Variants in ZBED4 observed in about 807,000 individuals in gnomAD.
ZBED4 encodes zinc finger BED domain-containing protein 4.
In ZBED4, 4 loss-of-function variants were observed where a neutral mutation model predicts 15.5. The observed-to-expected ratio is 0.26, with a 90% CI of 0.13 to 0.59. ZBED4 has a LOEUF of 0.59. Among genes scored for constraint, ZBED4 ranks in the 20% least tolerant of loss-of-function variants. ZBED4 has a pLI of 0.90. For synonymous variants in ZBED4, 692 were observed against 608.5 expected (o/e 1.14, Z -2.02); for missense variants, 1,323 against 1,461.8 (o/e 0.91, Z 1.55).
At chr22:49,871,100 C>T (rs1318891148) in intron 1 of ZBED4, among the ~76,000 whole-genome samples, 1 of 141,582 alleles carries the variant, frequency 7.1e-6, no homozygotes, top group African/African-American at 2.6e-5. Flanking sequence ...ACCACAATGC[C>T]TGGCTAATAT....
At chr22:49,865,794 G>A (rs2060319857) in intron 1 of ZBED4, among the ~76,000 whole-genome samples, 1 of 152,008 alleles carries the variant, frequency 6.6e-6, no homozygotes, top group South Asian at 2.1e-4. Flanking sequence ...CATCTTGATA[G>A]TAGTTTTTCT....
intron 1 of ZBED4, among the ~76,000 whole-genome samples, chr22:49,870,764 T>C (rs1478063360): frequency 6.6e-6 from 1 of 152,076 alleles, no homozygotes; most frequent in Non-Finnish European, 1.5e-5. Flanking sequence ...TCAGTGGGTT[T>C]TCTGTTTATT....
chr22:49,885,477 G>A lies in ZBED4; in HGVS notation c.1815G>A (p.Gln605=), dbSNP rs2060433213. The change falls in exon 2 of 2, where the codon CAG becomes CAA. Residue 605 remains glutamine (Q), a synonymous_variant. Coordinates refer to ENST00000216268, the MANE Select transcript of ZBED4 (RefSeq NM_014838.3). ...LGTSCLLRHL[Q]RFHSNVLKTE... The stretch of plus-strand genomic sequence containing the variant: ...CCAGCTGTCTTCTGAGACATTTACA[G>A]CGGTTCCATAGCAACGTGCTGAAAA... 1.9e-6 allele frequency: 3 copies of A among 1,612,620 alleles called. No individual in the cohort carries two copies. The highest frequency in any genetic ancestry group is 2.5e-6 in the Non-Finnish European group (3 of 1,178,700).
chr22:49,871,306 G>A (rs1425322791), intron 1 of ZBED4, among the ~76,000 whole-genome samples: 1 of 151,858 alleles, frequency 6.6e-6, no homozygotes, highest in African/African-American at 2.4e-5. Flanking sequence ...GGCCAATGTG[G>A]TGAAACCCCG....
chr22:49,888,462 G>T lies in ZBED4; in HGVS notation c.*1284G>T, dbSNP rs1319597312. ...AATTTTCTAGTGCTGGCAGACACTGGCTTTTTATTTTTAGGATAAGAAAAC... is the reference window on the plus strand; with the variant it reads ...AATTTTCTAGTGCTGGCAGACACTGTCTTTTTATTTTTAGGATAAGAAAAC... On this transcript the variant is annotated 3_prime_UTR_variant, in exon 2 of 2. Coordinates refer to ENST00000216268, the MANE Select transcript of ZBED4 (RefSeq NM_014838.3). The T allele has an allele frequency of 6.0e-6, 1 of 167,216 alleles. No individual in the cohort carries two copies. Among genetic ancestry groups the T allele is most frequent in the Non-Finnish European group, 1.5e-5 (1 of 68,124 alleles). The allele number at this position is 167,216 out of a possible 1,614,324, so 10.4% of individuals were successfully genotyped here. A position where few individuals can be genotyped will look rare whatever the true frequency, so the allele number is the denominator to read the frequency against.
At chr22:49,874,672 C>CATTTT in intron 1 of ZBED4, among the ~76,000 whole-genome samples, 1 of 37,316 alleles carries the variant, frequency 2.7e-5, no homozygotes, top group South Asian at 2.1e-3. Context: ...CATGCCCAGC[C>CATTTT]TTTTTTTTTT....
rs150754492 is a variant in ZBED4, at chr22:49,886,086, C to T, written c.2424C>T (p.Thr808=). The stretch of plus-strand genomic sequence containing the variant: ...GCCTTCAGGTGGGCATCACCGTCAC[C>T]GACAACGCCAGCATCGGGAAGACGC... ...STGLQVGITV[T]DNASIGKTLN... Residue 808 remains threonine, a synonymous_variant, in exon 2 of 2, where the codon ACC becomes ACT. Transcript: ENST00000216268. The surrounding 1 kb of genome is among the most constrained non-coding windows in gnomAD (Gnocchi z 7.7). 9.7e-5 allele frequency: 66 copies of T among 679,934 alleles called. No homozygotes were observed. Among genetic ancestry groups the T allele is most frequent in the Non-Finnish European group, 1.5e-4 (56 of 369,666 alleles). 42.1% of individuals were successfully genotyped at this position (679,934 alleles called of 1,614,324 possible). A position where few individuals can be genotyped will look rare whatever the true frequency, so the allele number is the denominator to read the frequency against.
At chr22:49,854,449 A>G (rs1013720046) in intron 1 of ZBED4, among the ~76,000 whole-genome samples, 5 of 152,150 alleles carry the variant, frequency 3.3e-5, no homozygotes, top group Admixed American at 3.3e-4. Flanking sequence ...TTCATGTCTC[A>G]GCCCAGACGG....
intron 1 of ZBED4, among the ~76,000 whole-genome samples, chr22:49,857,312 G>T (rs1258728405): frequency 6.6e-6 from 1 of 152,222 alleles, no homozygotes; most frequent in Non-Finnish European, 1.5e-5. Context: ...GGACCCCCAA[G>T]GTATGGGTAC....
chr22:49,867,345 C>T (rs1179487945), intron 1 of ZBED4, among the ~76,000 whole-genome samples: 1 of 152,200 alleles, frequency 6.6e-6, no homozygotes, highest in African/African-American at 2.4e-5. Context: ...CCCTGGGCCC[C>T]TGAAGAAGCG....
intron 1 of ZBED4, among the ~76,000 whole-genome samples, chr22:49,866,459 GTTTC>G (rs1443749321): frequency 6.6e-6 from 1 of 151,700 alleles, no homozygotes; most frequent in Non-Finnish European, 1.5e-5. Context: ...TTGTTCTCCT[GTTTC>G]TTCTTTTTTA....
chr22:49,864,196 C>T (rs1050341844), intron 1 of ZBED4, among the ~76,000 whole-genome samples: 10 of 152,218 alleles, frequency 6.6e-5, no homozygotes, highest in African/African-American at 2.4e-4. Context: ...CATGGGTGTG[C>T]TTTAATCTTA....
At position 49,888,249 on chromosome 22, in the gene ZBED4, G is replaced by C. The variant is rs1339495084; in HGVS notation, c.*1071G>C. Reference sequence around the variant, plus strand: ...AAAGTTATGTCTTCAGAGAAAAAAAGATTCATTTTCTCATTTTAAACCAAT... The same window carrying C: ...AAAGTTATGTCTTCAGAGAAAAAAACATTCATTTTCTCATTTTAAACCAAT... On this transcript the variant is annotated 3_prime_UTR_variant, in exon 2 of 2. Transcript: ENST00000216268. 6.0e-6 allele frequency: 1 copy of C among 166,970 alleles called. No homozygotes were observed. Among genetic ancestry groups the C allele is most frequent in the Non-Finnish European group, 1.5e-5 (1 of 68,112 alleles). The allele number at this position is 166,970 out of a possible 1,614,324, so 10.3% of individuals were successfully genotyped here. A position where few individuals can be genotyped will look rare whatever the true frequency, so the allele number is the denominator to read the frequency against.
chr22:49,884,646 C>T lies in ZBED4; in HGVS notation c.984C>T (p.Ile328=), dbSNP rs762485782. 6.2e-7 allele frequency: 1 copy of T among 1,612,456 alleles called. No individual in the cohort carries two copies. The highest frequency in any genetic ancestry group is 8.5e-7 in the Non-Finnish European group (1 of 1,179,254). Residue 328 remains isoleucine, a synonymous_variant, in exon 2 of 2, where the codon ATC becomes ATT. Coordinates refer to ENST00000216268, the MANE Select transcript of ZBED4 (RefSeq NM_014838.3). ...NGKDLGTSCL[I]RHMWRAHRAI... ...AGGACCTGGGCACGAGCTGCCTCAT[C>T]AGGCACATGTGGAGGGCACACCGCG...
chr22:49,885,068 C>T lies in ZBED4; in HGVS notation c.1406C>T (p.Pro469Leu), dbSNP rs1258233464. ...SEVWHHFSLA[P>L]MDSLKAECRY... The stretch of plus-strand genomic sequence containing the variant: ...GTCTGGCATCACTTCTCCCTGGCCC[C>T]CATGGACAGCCTCAAGGCCGAGTGT... The change falls in exon 2 of 2, where the codon CCC becomes CTC. Residue 469 changes from proline to leucine, a missense_variant. Around this residue, in one of 6 missense-constraint regions of ZBED4, gnomAD observed 429 missense variants for 397.9 expected, o/e 1.08. Transcript: ENST00000216268. 6.2e-7 allele frequency: 1 copy of T among 1,612,508 alleles called. No homozygotes were observed. Among genetic ancestry groups the T allele is most frequent in the Non-Finnish European group, 8.5e-7 (1 of 1,179,220 alleles).
intron 1 of ZBED4, among the ~76,000 whole-genome samples, chr22:49,862,842 C>T (rs1462757381): frequency 6.6e-6 from 1 of 151,844 alleles, no homozygotes; most frequent in African/African-American, 2.4e-5. Flanking sequence ...ACTGGGATTA[C>T]AGGTGCCCAC....
intron 1 of ZBED4, among the ~76,000 whole-genome samples, chr22:49,867,083 T>C (rs1003990257): frequency 6.6e-6 from 1 of 152,226 alleles, no homozygotes; most frequent in African/African-American, 2.4e-5. Context: ...CTGCATCTCA[T>C]CCATTTGGTG....
At chr22:49,873,869 T>C (rs956312588) in intron 1 of ZBED4, among the ~76,000 whole-genome samples, 4 of 151,960 alleles carry the variant, frequency 2.6e-5, no homozygotes, top group African/African-American at 9.7e-5. Context: ...GCGAGGAGCG[T>C]GGAGGACAAG....
rs867174640 is a variant in ZBED4 at position 49,888,178 on chromosome 22, A to C, written c.*1000A>C. On this transcript the variant is annotated 3_prime_UTR_variant, in exon 2 of 2. Transcript: ENST00000216268. ...TGCGGCCATCACTGGGATATTTTCAAATCCCAAGGACATCAGAGTGAAGTG... is the reference window on the plus strand; with the variant it reads ...TGCGGCCATCACTGGGATATTTTCACATCCCAAGGACATCAGAGTGAAGTG... 1 of 167,226 alleles carries C rather than the reference A, an allele frequency of 6.0e-6. No individual in the cohort carries two copies. The allele number at this position is 167,226 out of a possible 1,614,324, so 10.4% of individuals were successfully genotyped here. A position where few individuals can be genotyped will look rare whatever the true frequency, so the allele number is the denominator to read the frequency against.
Sources: gnomAD v4.1 joint callset for allele counts (sites outside exome capture counted in the v4.1 genomes callset) on GRCh38, gnomAD v4.1.1 for gene constraint, gnomAD v4.1.1 regional missense constraint, Gnocchi (gnomAD v3.1) non-coding constraint, MANE v1.5 for transcripts, NCBI Gene and HGNC (gene_info 2026-07-23, HGNC 2026-07-21) for gene names.